ZFR2: variants seen among roughly 807,000 people sequenced by gnomAD.
ZFR2 encodes zinc finger RNA binding protein 2, also known as zinc finger RNA-binding protein 2.
A neutral mutation model predicts 105.7 loss-of-function variants in ZFR2; 104 were observed. That is an observed-to-expected ratio of 0.98 (90% CI 0.84 to 1.16). ZFR2 has a LOEUF of 1.16. Among genes scored for constraint, ZFR2 ranks in the 50% most tolerant of loss-of-function variants. The pLI, the probability that ZFR2 is intolerant of heterozygous loss-of-function variation, is 0.00. For missense variants in ZFR2, 1,425 were observed against 1,355.5 expected (o/e 1.05, Z -0.80); for synonymous variants, 634 against 597.7 (o/e 1.06, Z -0.89).
In ZFR2 at chr19:3,833,672, C is replaced by T; in HGVS notation, c.371G>A (p.Gly124Asp). 1 of 1,559,570 alleles carries T rather than the reference C, an allele frequency of 6.4e-7. No individual in the cohort carries two copies. The highest frequency in any genetic ancestry group is 8.7e-7 in the Non-Finnish European group (1 of 1,151,656). ...CCCTGCAGATGGCTCACCTGGCTGG[C>T]CGGAGTCTGCGGCTGTCATGCGCCC... ...QSGRMTAADS[G>D]QPGTQEACGQ... Residue 124 changes from glycine (G) to aspartate (D), a missense_variant, in exon 3 of 19, where the codon GGC (glycine) becomes GAC (aspartate). Gly to Asp is a moderately conservative substitution (Grantham distance 94, BLOSUM62 -1). Coordinates refer to ENST00000262961, the MANE Select transcript of ZFR2 (RefSeq NM_015174.2).
intron 14 of ZFR2, among the ~76,000 whole-genome samples, chr19:3,812,300 G>A (rs1005949831): frequency 1.3e-5 from 2 of 152,028 alleles, no homozygotes; most frequent in Non-Finnish European, 2.9e-5. Context: ...GGCTGGTCTC[G>A]AATTTCTGGG....
In ZFR2 at chr19:3,805,218, A is replaced by G. The variant is rs2037683633; in HGVS notation, c.*731T>C. The G allele has an allele frequency of 6.6e-6, 1 of 152,210 alleles. No individual in the cohort carries two copies. The highest frequency in any genetic ancestry group is 6.5e-5 in the Admixed American group (1 of 15,268). 9.4% of individuals were successfully genotyped at this position (152,210 alleles called of 1,614,324 possible). A position where few individuals can be genotyped will look rare whatever the true frequency, so the allele number is the denominator to read the frequency against. ...CCTTCCTGTACCACGAGGTGAGTTT[A>G]GAGCCAGCAAGATGCCCCCGAGTTT... On this transcript the variant is annotated 3_prime_UTR_variant, in exon 19 of 19. Transcript: ENST00000262961.
At chr19:3,853,753 A>G (rs114740341) in intron 1 of ZFR2, among the ~76,000 whole-genome samples, 4,357 of 152,208 alleles carry the variant, frequency 0.029, 203 homozygotes, top group African/African-American at 0.1. Flanking sequence ...TTGAGGTAAC[A>G]GTCACACAAT....
chr19:3,825,534 C>T (rs1276182353), intron 6 of ZFR2, 127 bp from the exon 7 acceptor site: 10 of 1,220,938 alleles, frequency 8.2e-6, no homozygotes, highest in Non-Finnish European at 1.0e-5. Context: ...AGGGACCCCC[C>T]TCTCTTCTCT....
At chr19:3,816,965 C>G in intron 12 of ZFR2, 120 bp from the exon 13 acceptor site, 2 of 931,612 alleles carry the variant, frequency 2.1e-6, no homozygotes, top group Non-Finnish European at 3.2e-6. Flanking sequence ...CCTCGGCATC[C>G]TCATCCATGA....
At chr19:3,853,720 G>A (rs1418688319) in intron 1 of ZFR2, among the ~76,000 whole-genome samples, 2 of 152,088 alleles carry the variant, frequency 1.3e-5, no homozygotes, top group Non-Finnish European at 2.9e-5. Flanking sequence ...TTTCCTTTTG[G>A]GCCGATAGGA....
chr19:3,831,872 TG>T lies in ZFR2; in HGVS notation c.385del (p.Gln129LysfsTer24). The T allele has an allele frequency of 2.5e-6, 4 of 1,575,842 alleles. No homozygotes were observed. Among genetic ancestry groups the T allele is most frequent in the Non-Finnish European group, 3.4e-6 (4 of 1,165,106 alleles). On this transcript the variant is annotated frameshift_variant, in exon 4 of 19. Transcript: ENST00000262961. LOFTEE classifies it high-confidence loss of function. ...TAADSGQPGT[Q>X]EACGQPSPHG... ...GGGGCTGGGCTGCCCGCAGGCTTCTTGGGTCCCTAGGGGACAGGGACAGGCC... is the reference window on the plus strand; with the variant it reads ...GGGGCTGGGCTGCCCGCAGGCTTCTTGGTCCCTAGGGGACAGGGACAGGCC...
chr19:3,862,690 C>T (rs571460271), intron 1 of ZFR2, among the ~76,000 whole-genome samples: 1 of 152,364 alleles, frequency 6.6e-6, no homozygotes, highest in African/African-American at 2.4e-5. Flanking sequence ...GGAGCTCAGA[C>T]CGCAAGTCCT....
Position 3,819,213 on chromosome 19 carries a change from C to T in ZFR2, c.1763G>A (p.Ser588Asn). ...CTTGCACATGACGTGCCGGTCGTCG[C>T]TGGACGCCGGCCGCCGCCCGGGCTG... ...PLQPGRRPAS[S>N]DDRHVMCKHA... is the part of the protein sequence containing the mutation. Residue 588 changes from serine (S) to asparagine (N), a missense_variant, in exon 12 of 19, where the codon AGC becomes AAC. Ser to Asn is a conservative substitution (Grantham distance 46, BLOSUM62 1). Transcript: ENST00000262961. The T allele has an allele frequency of 6.4e-7, 1 of 1,559,242 alleles. No homozygotes were observed. The highest frequency in any genetic ancestry group is 8.6e-7 in the Non-Finnish European group (1 of 1,160,238).
chr19:3,816,791 C>T lies in ZFR2; in HGVS notation c.1986G>A (p.Leu662=), dbSNP rs1336809693. ...CCCCACGCAGGAGGAGGCCTTTCGC[C>T]AGGATGCCTACTCGCATGACGCCTT... ...VLKGVMRVGI[L]AKGLLLRGDR... is the part of the protein sequence containing the mutation. The change falls in exon 13 of 19, where the codon CTG becomes CTA. Residue 662 remains leucine (L), a synonymous_variant. Coordinates refer to ENST00000262961, the MANE Select transcript of ZFR2 (RefSeq NM_015174.2). 6 of 1,600,122 alleles carry T rather than the reference C, an allele frequency of 3.7e-6. No homozygotes were observed. In the South Asian group the frequency reaches 6.8e-5, roughly 18 times the overall value.
In ZFR2 at chr19:3,822,126, C is replaced by G. The variant is rs750457261; in HGVS notation, c.1446G>C (p.Ala482=). The change falls in exon 9 of 19, where the codon GCG becomes GCC. Residue 482 remains alanine, a synonymous_variant. Transcript: ENST00000262961. ...LCECSFNDLN[A]KDLHVRGRRH... ...GCCGCCCCCTCACGTGCAGGTCCTT[C>G]GCGTTAAGGTCGTTGAAACTGCACT... 4 of 1,610,258 alleles carry G rather than the reference C, an allele frequency of 2.5e-6. No individual in the cohort carries two copies. The East Asian group carries it at 8.9e-5, about 36-fold the overall frequency.
At chr19:3,816,075 G>GT (rs1468834066) in intron 13 of ZFR2, among the ~76,000 whole-genome samples, 3 of 151,354 alleles carry the variant, frequency 2.0e-5, no homozygotes, top group Admixed American at 6.6e-5. Flanking sequence ...TAATTTTTAA[G>GT]TTTTTTGCAG....
At chr19:3,810,344 G>A (rs2037748259) in intron 16 of ZFR2, among the ~76,000 whole-genome samples, 1 of 152,220 alleles carries the variant, frequency 6.6e-6, no homozygotes, top group African/African-American at 2.4e-5. Context: ...ATGGGCTGGG[G>A]GGTGGTGTTT....
Position 3,850,723 on chromosome 19 carries a change from A to AAAC in ZFR2, c.54-15743_54-15741dup, listed in dbSNP as rs59895843. ...ATACTGGGATCCCATCTCTACAGAA[A>AAAC]AACAACAACAACAACAACAACAACA... On this transcript the variant is annotated intron_variant, in intron 1 of 18. Coordinates refer to ENST00000262961, the MANE Select transcript of ZFR2 (RefSeq NM_015174.2). Among the ~76,000 whole-genome samples, 1,212 of 148,192 alleles carry AAAC rather than the reference A, an allele frequency of 8.2e-3. 17 individuals are homozygous for AAAC. The highest frequency in any genetic ancestry group is 0.028 in the African/African-American group (1,115 of 39,806).
At chr19:3,844,499 C>G (rs2038169118) in intron 1 of ZFR2, among the ~76,000 whole-genome samples, 1 of 151,954 alleles carries the variant, frequency 6.6e-6, no homozygotes, top group Admixed American at 6.6e-5. Context: ...TCCGGAGTAT[C>G]TGGGATTACA....
chr19:3,832,640 T>G lies in ZFR2; in HGVS notation c.380-762A>C, dbSNP rs527257615. ...CGGCCTTTATTTTGTTTTTTTTTTT[T>G]ATTTTTTATTTTTTAGAGACAGGGT... On this transcript the variant is annotated intron_variant, in intron 3 of 18. Coordinates refer to ENST00000262961, the MANE Select transcript of ZFR2 (RefSeq NM_015174.2). Among the ~76,000 whole-genome samples, 1,066 of 145,476 alleles carry G rather than the reference T, an allele frequency of 7.3e-3. 6 individuals are homozygous for G. The highest frequency in any genetic ancestry group is 0.014 in the Middle Eastern group (4 of 284).
At chr19:3,841,257 C>T (rs759038514) in intron 1 of ZFR2, among the ~76,000 whole-genome samples, 10 of 152,218 alleles carry the variant, frequency 6.6e-5, no homozygotes, top group Non-Finnish European at 1.2e-4. Flanking sequence ...CGGCCGGCAA[C>T]GGGTCTTGGA....
chr19:3,834,473 C>T lies in ZFR2; in HGVS notation c.264+300G>A, dbSNP rs974156491. Among the ~76,000 whole-genome samples the T allele has an allele frequency of 6.6e-6, 1 of 152,124 alleles. No homozygotes were observed. Among genetic ancestry groups the T allele is most frequent in the Non-Finnish European group, 1.5e-5 (1 of 68,018 alleles). ...GGGGTCCTGTAACCCAGGCGACCCTCCTCCTCCTTCATAGTCACTGCTGAA... is the reference window on the plus strand; with the variant it reads ...GGGGTCCTGTAACCCAGGCGACCCTTCTCCTCCTTCATAGTCACTGCTGAA... On this transcript the variant is annotated intron_variant, in intron 2 of 18. Transcript: ENST00000262961. This position sits in a 1 kb window ranked among gnomAD's most constrained non-coding sequence, Gnocchi z 5.3.
In ZFR2 at chr19:3,831,815, TGTGGGG is replaced by T. The variant is rs1211053268; in HGVS notation, c.437_442del (p.Pro146_Pro147del). The T allele has an allele frequency of 1.2e-6, 2 of 1,608,522 alleles. No homozygotes were observed. The highest frequency in any genetic ancestry group is 2.2e-5 in the South Asian group (2 of 90,876). On this transcript the variant is annotated inframe_deletion, in exon 4 of 19. Transcript: ENST00000262961. ...TCCGGACTCCACTATGGGCGCCTGC[TGTGGGG>T]GCTGAGCGTGGCTGTGACTGCCATG...
Sources: allele counts gnomAD v4.1 joint callset (sites outside exome capture counted in the v4.1 genomes callset), GRCh38; gene constraint gnomAD v4.1.1; non-coding constraint Gnocchi (gnomAD v3.1); transcripts MANE v1.5; gene names NCBI Gene and HGNC (gene_info 2026-07-23, HGNC 2026-07-21).